The following ARL15 variants were observed in gnomAD, a reference collection of about 807,000 sequenced individuals.
The protein encoded by ARL15 is ADP-ribosylation factor-like protein 15.
ARL15 carries 19 observed loss-of-function variants against 25.2 expected under a neutral mutation model. The observed-to-expected ratio is 0.75, with a 90% CI of 0.53 to 1.10. The LOEUF (loss-of-function observed/expected upper bound fraction) is 1.10. Ranked by LOEUF, ARL15 falls within the 50% of genes least tolerant of loss-of-function variation. ARL15 has a pLI of 0.00. For missense variants in ARL15, 220 were observed against 246.0 expected, an observed-to-expected ratio of 0.89 and a Z score of 0.71; for synonymous variants, 94 against 86.8, an observed-to-expected ratio of 1.08 and a Z score of -0.46.
intron 4 of ARL15, among the ~76,000 whole-genome samples, chr5:53,902,704 C>T (rs970541836): frequency 1.3e-5 from 2 of 152,280 alleles, no homozygotes; most frequent in East Asian, 1.9e-4. Context: ...GCAAGCCACG[C>T]GTTACTCAGT....
chr5:53,980,973 C>A (rs1172217783), intron 4 of ARL15, among the ~76,000 whole-genome samples: 1 of 151,886 alleles, frequency 6.6e-6, no homozygotes, highest in Non-Finnish European at 1.5e-5. Context: ...AGAGTGAGAC[C>A]CAGTTTCAAA....
At chr5:53,938,039 T>A (rs1283768625) in intron 4 of ARL15, among the ~76,000 whole-genome samples, 1 of 152,156 alleles carries the variant, frequency 6.6e-6, no homozygotes, top group Non-Finnish European at 1.5e-5. Flanking sequence ...GAGAGATACA[T>A]CATACTAAAA....
chr5:54,302,545 C>T (rs143176089), intron 1 of ARL15, among the ~76,000 whole-genome samples: 25 of 152,220 alleles, frequency 1.6e-4, no homozygotes, highest in Middle Eastern at 3.4e-3. Context: ...GTGATTAAGA[C>T]GGTCAGGGAA....
chr5:53,961,951 A>G (rs768055129), intron 4 of ARL15, among the ~76,000 whole-genome samples: 1 of 152,208 alleles, frequency 6.6e-6, no homozygotes. Flanking sequence ...TATACTACAG[A>G]TGTAATGTAA....
chr5:54,214,367 T>C (rs1191043489), intron 1 of ARL15, among the ~76,000 whole-genome samples: 2 of 152,150 alleles, frequency 1.3e-5, no homozygotes, highest in African/African-American at 2.4e-5. Flanking sequence ...AGCAGGAGTT[T>C]CCCCAAATGC....
In ARL15 at chr5:54,154,587, T is replaced by C; in HGVS notation, c.246A>G (p.Glu82=). The C allele has an allele frequency of 6.5e-7, 1 of 1,527,056 alleles. No individual in the cohort carries two copies. The highest frequency in any genetic ancestry group is 8.8e-7 in the Non-Finnish European group (1 of 1,137,834). The allele number at this position is 1,527,056 out of a possible 1,614,324, so 94.6% of individuals were successfully genotyped here. A position where few individuals can be genotyped will look rare whatever the true frequency, so the allele number is the denominator to read the frequency against. ...PFQNAILNVK[E]LGGADNIRKY... ...TGATTTGAAATGTTATACCTCCAAG[T>C]TCTTTTACATTCAAGATGGCATTCT... The change falls in exon 3 of 5, where the codon GAA becomes GAG. Residue 82 remains glutamate, a synonymous_variant. Transcript: ENST00000504924.
At chr5:54,104,895 T>G (rs1229799174) in intron 4 of ARL15, among the ~76,000 whole-genome samples, 1 of 152,056 alleles carries the variant, frequency 6.6e-6, no homozygotes, top group Non-Finnish European at 1.5e-5. Flanking sequence ...AATATATCTC[T>G]TGCTCCATTA....
intron 4 of ARL15, among the ~76,000 whole-genome samples, chr5:54,076,507 ATATAC>A (rs374627834): frequency 3.3e-4 from 50 of 152,310 alleles, no homozygotes; most frequent in South Asian, 6.2e-4. Context: ...TCATATCATA[ATATAC>A]GTCAATATTA....
chr5:54,191,404 A>G (rs1056610448), intron 1 of ARL15, among the ~76,000 whole-genome samples: 4 of 152,190 alleles, frequency 2.6e-5, no homozygotes, highest in African/African-American at 9.7e-5. Flanking sequence ...TGGTGGGGAT[A>G]TAACATTATA....
chr5:54,071,983 AAAAAAAAAAAAAG>A (rs1466585069), intron 4 of ARL15, among the ~76,000 whole-genome samples: 2 of 44,994 alleles, frequency 4.4e-5, no homozygotes, highest in Non-Finnish European at 1.9e-4. Context: ...AAAAAAGAAA[AAAAAAAAAAAAAG>A]AAAAAAAAAG....
rs575115373 is a variant in ARL15 at position 54,007,844 on chromosome 5, A to T, written c.462+105358T>A. Among the ~76,000 whole-genome samples the T allele has an allele frequency of 9.8e-5, 15 of 152,308 alleles. No individual in the cohort carries two copies. In the South Asian group the frequency reaches 1.5e-3, roughly 15 times the overall value. On this transcript the variant is annotated intron_variant, in intron 4 of 4. Coordinates refer to ENST00000504924, the MANE Select transcript of ARL15 (RefSeq NM_019087.3). The stretch of plus-strand genomic sequence containing the variant: ...ACTTACATTCTTTCAAATCAAAAGC[A>T]GCTCCCAATGTTGGGGGTCTTGTCT...
chr5:53,971,040 C>T lies in ARL15; in HGVS notation c.463-84327G>A, dbSNP rs10062845. 9.9e-3 allele frequency among the ~76,000 whole-genome samples: 1,506 copies of T among 152,098 alleles called. 26 individuals are homozygous for T. Among genetic ancestry groups the T allele is most frequent in the African/African-American group, 0.035 (1,448 of 41,480 alleles). On this transcript the variant is annotated intron_variant, in intron 4 of 4. Transcript: ENST00000504924. ...ATAGCATTAAGAAGGAATTTTTGCA[C>T]TATCAAAGAGAAGTGCCTAAGGAGT...
In ARL15 at chr5:54,018,767, C is replaced by A. The variant is rs558477691; in HGVS notation, c.462+94435G>T. Among the ~76,000 whole-genome samples, 10 of 152,302 alleles carry A rather than the reference C, an allele frequency of 6.6e-5. No homozygotes were observed. The South Asian group carries it at 1.9e-3, about 28-fold the overall frequency. On this transcript the variant is annotated intron_variant, in intron 4 of 4. Coordinates refer to ENST00000504924, the MANE Select transcript of ARL15 (RefSeq NM_019087.3). ...TCCCCTCACCATCCCCCAAGTCTGTCATCCCTTCACAGCTAAACAAACCGT... is the reference window on the plus strand; with the variant it reads ...TCCCCTCACCATCCCCCAAGTCTGTAATCCCTTCACAGCTAAACAAACCGT...
At chr5:53,951,924 T>C (rs140708356) in intron 4 of ARL15, among the ~76,000 whole-genome samples, 1 of 149,504 alleles carries the variant, frequency 6.7e-6, no homozygotes, top group African/African-American at 2.5e-5. Flanking sequence ...AAACTATTAG[T>C]ACAAATGTTT....
intron 1 of ARL15, among the ~76,000 whole-genome samples, chr5:54,188,502 A>G (rs1755300848): frequency 6.6e-6 from 1 of 152,186 alleles, no homozygotes; most frequent in Non-Finnish European, 1.5e-5. Context: ...TGATTTTATA[A>G]TTACAATAAT....
intron 1 of ARL15, among the ~76,000 whole-genome samples, chr5:54,188,073 T>G (rs1755288918): frequency 6.6e-6 from 1 of 152,154 alleles, no homozygotes; most frequent in African/African-American, 2.4e-5. Flanking sequence ...CTTTTCCAAT[T>G]TGCATATCAC....
intron 4 of ARL15, among the ~76,000 whole-genome samples, chr5:53,977,774 C>T (rs888237500): frequency 2.0e-5 from 3 of 152,166 alleles, no homozygotes; most frequent in Middle Eastern, 3.2e-3. Context: ...GAATTCAAGT[C>T]AGGAGAATCT....
At chr5:54,244,438 C>G (rs1286123880) in intron 1 of ARL15, among the ~76,000 whole-genome samples, 2 of 152,028 alleles carry the variant, frequency 1.3e-5, no homozygotes, top group Admixed American at 6.6e-5. Context: ...AACTACTGAA[C>G]AAAATGAATG....
intron 4 of ARL15, among the ~76,000 whole-genome samples, chr5:54,062,423 G>A (rs1276508206): frequency 1.3e-5 from 2 of 151,776 alleles, no homozygotes; most frequent in African/African-American, 4.8e-5. Context: ...TGTTGTGGGA[G>A]AGACCCGGTG....
Sources: gnomAD v4.1 joint callset for allele counts (sites outside exome capture counted in the v4.1 genomes callset) on GRCh38, gnomAD v4.1.1 for gene constraint, MANE v1.5 for transcripts, NCBI Gene and HGNC (gene_info 2026-07-23, HGNC 2026-07-21) for gene names.